Variants in GALNT13 observed in about 807,000 individuals in gnomAD.
The protein encoded by GALNT13 is UDP-GalNAc:polypeptide N-acetylgalactosaminyltransferase 13.
Under a neutral mutation model 64.2 loss-of-function variants are expected in GALNT13, and 28 were observed. The ratio of observed to expected loss-of-function variants is 0.44; its 90% confidence interval spans 0.32 to 0.60. GALNT13 has a LOEUF of 0.60. GALNT13 is among the 20% of genes least tolerant of loss of function. The pLI, the probability that GALNT13 is intolerant of heterozygous loss-of-function variation, is 0.05. For synonymous variants in GALNT13, 214 were observed against 224.6 expected (o/e 0.95, Z 0.42); for missense variants, 577 against 669.8 (o/e 0.86, Z 1.53).
intron 2 of GALNT13, among the ~76,000 whole-genome samples, chr2:153,910,622 C>T (rs1003455221): frequency 1.3e-5 from 2 of 152,132 alleles, no homozygotes; most frequent in Non-Finnish European, 2.9e-5. Flanking sequence ...CCCAGAGATC[C>T]TAGTACGTTG....
chr2:153,358,590 C>G, the GALNT13 span, among the ~76,000 whole-genome samples: 1 of 152,036 alleles, frequency 6.6e-6, no homozygotes, highest in East Asian at 1.9e-4. Flanking sequence ...TATTTTTTTC[C>G]TGAGGTAGGT....
intron 3 of GALNT13, among the ~76,000 whole-genome samples, chr2:154,139,621 AACACACACACACACACAC>A (rs59526662): frequency 6.8e-6 from 1 of 147,444 alleles, no homozygotes; most frequent in South Asian, 2.2e-4. Flanking sequence ...ATGTGTAGGC[AACACACACACACACACAC>A]ACACACACAC....
chr2:154,028,001 G>A (rs982361961), intron 3 of GALNT13, among the ~76,000 whole-genome samples: 1 of 151,948 alleles, frequency 6.6e-6, no homozygotes, highest in African/African-American at 2.4e-5. Context: ...TACAATTTTG[G>A]CTTTTGCTCT....
chr2:153,417,903 C>A, the GALNT13 span, among the ~76,000 whole-genome samples: 5 of 152,168 alleles, frequency 3.3e-5, no homozygotes, highest in East Asian at 1.9e-4. Flanking sequence ...TAACAGTTAA[C>A]ACGAGGAATA....
the GALNT13 span, among the ~76,000 whole-genome samples, chr2:153,647,614 C>A: frequency 2.0e-5 from 3 of 152,282 alleles, no homozygotes; most frequent in African/African-American, 7.2e-5. Flanking sequence ...ACATTGAAGT[C>A]TTTAATCCAT....
At chr2:154,171,030 G>A (rs1171889390) in intron 4 of GALNT13, among the ~76,000 whole-genome samples, 3 of 152,016 alleles carry the variant, frequency 2.0e-5, no homozygotes, top group African/African-American at 4.8e-5. Flanking sequence ...CTCAATTATT[G>A]GGTTGTAAAT....
chr2:153,496,993 C>CAAA, the GALNT13 span, among the ~76,000 whole-genome samples: 3 of 90,876 alleles, frequency 3.3e-5, no homozygotes, highest in African/African-American at 4.0e-5. Flanking sequence ...GATTTTGTCT[C>CAAA]AAAAAAAAAA....
At chr2:153,842,513 A>C in the GALNT13 span, among the ~76,000 whole-genome samples, 1 of 152,178 alleles carries the variant, frequency 6.6e-6, no homozygotes. Flanking sequence ...ACTAAAAAAC[A>C]ACTTCAAACC....
At chr2:154,166,420 C>T (rs1051454570) in intron 4 of GALNT13, among the ~76,000 whole-genome samples, 1 of 152,132 alleles carries the variant, frequency 6.6e-6, no homozygotes, top group Admixed American at 6.6e-5. Flanking sequence ...ATCAAAACCA[C>T]AATGAGATAC....
the GALNT13 span, among the ~76,000 whole-genome samples, chr2:153,641,824 A>G: frequency 1.3e-5 from 2 of 152,128 alleles, no homozygotes; most frequent in African/African-American, 4.8e-5. Flanking sequence ...GGAAATATAG[A>G]ATGAGAATAC....
At chr2:153,791,902 G>T in the GALNT13 span, among the ~76,000 whole-genome samples, 1 of 151,974 alleles carries the variant, frequency 6.6e-6, no homozygotes, top group South Asian at 2.1e-4. Context: ...AGTGATACTG[G>T]AGCATACTTG....
At chr2:154,296,978 TC>T (rs1692961298) in intron 8 of GALNT13, among the ~76,000 whole-genome samples, 1 of 152,120 alleles carries the variant, frequency 6.6e-6, no homozygotes, top group Non-Finnish European at 1.5e-5. Flanking sequence ...AGAATTGTAT[TC>T]CGGGTACAGG....
chr2:153,306,901 T>C, the GALNT13 span, among the ~76,000 whole-genome samples: 2 of 152,184 alleles, frequency 1.3e-5, no homozygotes, highest in Non-Finnish European at 2.9e-5. Flanking sequence ...CGTGCTCAGC[T>C]AATTTTTTCC....
the GALNT13 span, among the ~76,000 whole-genome samples, chr2:153,125,334 T>G: frequency 6.6e-6 from 1 of 151,774 alleles, no homozygotes; most frequent in Non-Finnish European, 1.5e-5. Flanking sequence ...GTTGTGCATG[T>G]TTGAAGTTTT....
chr2:154,275,674 G>A (rs986429118), intron 8 of GALNT13, among the ~76,000 whole-genome samples: 6 of 152,194 alleles, frequency 3.9e-5, no homozygotes, highest in Admixed American at 3.3e-4. Flanking sequence ...GAAATGTGGG[G>A]TGCAAGCCCC....
At chr2:153,609,284 T>G in the GALNT13 span, among the ~76,000 whole-genome samples, 1 of 152,160 alleles carries the variant, frequency 6.6e-6, no homozygotes, top group Non-Finnish European at 1.5e-5. Flanking sequence ...TTTTTTTAAA[T>G]CAACCTCTAC....
the GALNT13 span, among the ~76,000 whole-genome samples, chr2:153,654,300 T>C: frequency 6.6e-6 from 1 of 152,166 alleles, no homozygotes; most frequent in Non-Finnish European, 1.5e-5. Flanking sequence ...AATGCAATTG[T>C]GTGGATCTTA....
At chr2:154,113,625 T>A (rs542862097) in intron 3 of GALNT13, among the ~76,000 whole-genome samples, 1 of 152,384 alleles carries the variant, frequency 6.6e-6, no homozygotes, top group Non-Finnish European at 1.5e-5. Context: ...TCCCATCCTC[T>A]GGCACTCAAA....
At chr2:153,076,154 T>C in the GALNT13 span, among the ~76,000 whole-genome samples, 1 of 152,262 alleles carries the variant, frequency 6.6e-6, no homozygotes, top group African/African-American at 2.4e-5. Flanking sequence ...AAAGGCTAAG[T>C]GAAGTTGTAT....
Sources: allele counts gnomAD v4.1 joint callset (sites outside exome capture counted in the v4.1 genomes callset), GRCh38; gene constraint gnomAD v4.1.1; transcripts MANE v1.5; gene names NCBI Gene and HGNC (gene_info 2026-07-23, HGNC 2026-07-21).